Variants in NPY2R observed in about 807,000 individuals in gnomAD.
NPY2R encodes the protein neuropeptide Y receptor Y2, also known as neuropeptide Y receptor type 2.
A neutral mutation model predicts 22.3 loss-of-function variants in NPY2R; 17 were observed. The observed-to-expected ratio is 0.76, with a 90% CI of 0.52 to 1.14. NPY2R has a LOEUF of 1.14. Ranked by LOEUF, NPY2R falls within the 50% of genes most tolerant of loss-of-function variation. NPY2R has a pLI of 0.00. For missense variants in NPY2R, 424 were observed against 467.9 expected (o/e 0.91, Z 0.87); for synonymous variants, 209 against 183.4 (o/e 1.14, Z -1.13).
At chr4:155,175,178 G>T in the NPY2R span, among the ~76,000 whole-genome samples, 1 of 152,028 alleles carries the variant, frequency 6.6e-6, no homozygotes, top group African/African-American at 2.4e-5. Flanking sequence ...TTCGCCAACC[G>T]AGTACCATTT....
chr4:155,210,751 T>G, intron 1 of NPY2R, among the ~76,000 whole-genome samples: 1 of 152,166 alleles, frequency 6.6e-6, no homozygotes, highest in East Asian at 1.9e-4. Flanking sequence ...CCTGAGTACA[T>G]GGAAACTCTC....
chr4:155,185,959 G>T, the NPY2R span, among the ~76,000 whole-genome samples: 1 of 151,918 alleles, frequency 6.6e-6, no homozygotes, highest in African/African-American at 2.4e-5. Context: ...ATGTTTACAC[G>T]TCTGAAAAGT....
chr4:155,200,521 A>G, the NPY2R span, among the ~76,000 whole-genome samples: 1 of 152,202 alleles, frequency 6.6e-6, no homozygotes, highest in African/African-American at 2.4e-5. Flanking sequence ...TCAAAGGAAT[A>G]TAGATCATTC....
At chr4:155,196,204 C>T in the NPY2R span, among the ~76,000 whole-genome samples, 5 of 151,880 alleles carry the variant, frequency 3.3e-5, no homozygotes, top group Admixed American at 1.3e-4. Flanking sequence ...ATTCTTCTGA[C>T]AGCTTCACTT....
chr4:155,198,353 CT>C, the NPY2R span, among the ~76,000 whole-genome samples: 1 of 150,802 alleles, frequency 6.6e-6, no homozygotes, highest in Admixed American at 6.6e-5. Context: ...ATAAATAACC[CT>C]TTTTCAGTGG....
At chr4:155,193,767 A>G in the NPY2R span, among the ~76,000 whole-genome samples, 3,122 of 152,022 alleles carry the variant, frequency 0.021, 119 homozygotes, top group African/African-American at 0.07. Context: ...AGTACATACA[A>G]ATGTATGAGA....
the NPY2R span, among the ~76,000 whole-genome samples, chr4:155,178,680 TAA>T: frequency 6.6e-5 from 10 of 152,328 alleles, no homozygotes; most frequent in African/African-American, 2.4e-4. Flanking sequence ...TGAAGCATAT[TAA>T]GTGTGCGTGC....
At chr4:155,204,605 C>T (rs150401808), upstream of NPY2R, among the ~76,000 whole-genome samples, 12 of 152,120 alleles carry the variant, frequency 7.9e-5, no homozygotes, top group East Asian at 2.3e-3. Flanking sequence ...ACAACAATAA[C>T]TCATGAGAAT....
chr4:155,206,982 A>C (rs747057133), upstream of NPY2R: 2 of 152,230 alleles, frequency 1.3e-5, no homozygotes, highest in Non-Finnish European at 2.9e-5. Context: ...AAACAAACAA[A>C]ACAAAACAAA....
chr4:155,207,025 A>C (rs1408645447), upstream of NPY2R: 4 of 152,232 alleles, frequency 2.6e-5, no homozygotes, highest in Non-Finnish European at 5.9e-5. Flanking sequence ...TTTAAGTGGA[A>C]CTGTGTAGAA....
the NPY2R span, among the ~76,000 whole-genome samples, chr4:155,199,600 C>A: frequency 2.6e-5 from 4 of 152,228 alleles, no homozygotes; most frequent in Admixed American, 2.6e-4. Context: ...AGGCATCATA[C>A]TACCTGACTT....
chr4:155,176,831 T>A, the NPY2R span, among the ~76,000 whole-genome samples: 1 of 152,092 alleles, frequency 6.6e-6, no homozygotes, highest in Non-Finnish European at 1.5e-5. Context: ...AAATGGTGCC[T>A]TGCTGCTGCA....
chr4:155,212,405 GA>G (rs150384373), intron 1 of NPY2R, among the ~76,000 whole-genome samples: 2,548 of 151,716 alleles, frequency 0.017, 66 homozygotes, highest in African/African-American at 0.058. Context: ...TTGAATTTCA[GA>G]AAAAAAAATT....
the NPY2R span, among the ~76,000 whole-genome samples, chr4:155,180,806 C>G: frequency 6.6e-6 from 1 of 151,460 alleles, no homozygotes; most frequent in Non-Finnish European, 1.5e-5. Context: ...TAAATATTTT[C>G]TTGATTTTAA....
chr4:155,193,255 C>A, the NPY2R span, among the ~76,000 whole-genome samples: 3 of 152,010 alleles, frequency 2.0e-5, no homozygotes, highest in East Asian at 5.8e-4. Flanking sequence ...CCCTCTTTCA[C>A]AGATAAGGAA....
upstream of NPY2R, chr4:155,206,497 AC>A (rs1729286975): frequency 6.6e-6 from 1 of 152,244 alleles, no homozygotes; most frequent in Non-Finnish European, 1.5e-5. Flanking sequence ...AATATGATAC[AC>A]TATGAAGTGA....
intron 1 of NPY2R, among the ~76,000 whole-genome samples, chr4:155,210,021 C>T (rs1729370345): frequency 6.6e-6 from 1 of 151,952 alleles, no homozygotes; most frequent in Non-Finnish European, 1.5e-5. Flanking sequence ...CTAAGGATTC[C>T]CTTATTCAGG....
At chr4:155,194,136 A>G in the NPY2R span, among the ~76,000 whole-genome samples, 80,188 of 150,140 alleles carry the variant, frequency 0.53, 22,508 homozygotes, top group East Asian at 0.94. Flanking sequence ...AGCTAGAAAA[A>G]TGGAAGCAGA....
At chr4:155,201,416 C>T in the NPY2R span, among the ~76,000 whole-genome samples, 2 of 152,162 alleles carry the variant, frequency 1.3e-5, no homozygotes, top group Admixed American at 6.5e-5. Context: ...AGTACTATCA[C>T]CAACTCAGCT....
Sources: allele counts gnomAD v4.1 joint callset (sites outside exome capture counted in the v4.1 genomes callset), GRCh38; gene constraint gnomAD v4.1.1; transcripts MANE v1.5; gene names NCBI Gene and HGNC (gene_info 2026-07-23, HGNC 2026-07-21).